Variants in C9 observed in about 807,000 individuals in gnomAD.
C9 encodes the protein complement component C9.
Under a neutral mutation model 65.4 loss-of-function variants are expected in C9, and 63 were observed. The observed-to-expected ratio is 0.96, with a 90% CI of 0.79 to 1.19. The LOEUF is 1.19. Among genes scored for constraint, C9 ranks in the 50% most tolerant of loss-of-function variants. The probability of loss-of-function intolerance (pLI) is 0.00; values close to 1 mark genes in which losing one functional copy is unlikely to be tolerated. For synonymous variants in C9, 229 were observed against 227.9 expected, an observed-to-expected ratio of 1.00 and a Z score of -0.04; for missense variants, 744 against 670.1, an observed-to-expected ratio of 1.11 and a Z score of -1.22.
At chr5:39,307,480 G>A (rs1442543686) in intron 8 of C9, among the ~76,000 whole-genome samples, 3 of 152,072 alleles carry the variant, frequency 2.0e-5, no homozygotes, top group Non-Finnish European at 4.4e-5. Context: ...ACCGTATAAT[G>A]GCAAATTCAG....
intron 4 of C9, among the ~76,000 whole-genome samples, chr5:39,337,905 T>C (rs1186344754): frequency 6.6e-6 from 1 of 152,248 alleles, no homozygotes; most frequent in African/African-American, 2.4e-5. Context: ...AATCTAACTG[T>C]ATGTGACTAT....
chr5:39,341,486 C>T (rs1754081634), intron 3 of C9, 70 bp downstream of exon 3: 1 of 1,444,016 alleles, frequency 6.9e-7, no homozygotes, highest in Non-Finnish European at 9.6e-7. Context: ...GAAGCATATG[C>T]TTTTTTTTTT....
chr5:39,290,916 A>T (rs1753082174), intron 9 of C9, among the ~76,000 whole-genome samples: 2 of 151,990 alleles, frequency 1.3e-5, no homozygotes, highest in Non-Finnish European at 2.9e-5. Context: ...AGTTTGGATT[A>T]AAATAATCTT....
chr5:39,347,965 T>A (rs1103809), intron 1 of C9, among the ~76,000 whole-genome samples: 134,121 of 140,846 alleles, frequency 0.95, 64,031 homozygotes, highest in Non-Finnish European at 0.98. Flanking sequence ...CTGGCTAGCC[T>A]TATGTAGAAA....
At chr5:39,301,822 T>C (rs1653941566) in intron 9 of C9, among the ~76,000 whole-genome samples, 1 of 152,112 alleles carries the variant, frequency 6.6e-6, no homozygotes, top group Admixed American at 6.6e-5. Flanking sequence ...AGCATAACTG[T>C]TCACCAGTGT....
At chr5:39,299,824 T>C (rs1753251302) in intron 9 of C9, among the ~76,000 whole-genome samples, 1 of 152,150 alleles carries the variant, frequency 6.6e-6, no homozygotes, top group East Asian at 1.9e-4. Context: ...AAGTAATGTC[T>C]ATTTTTAAAA....
chr5:39,309,798 G>T (rs974225194), intron 7 of C9, among the ~76,000 whole-genome samples: 1 of 152,168 alleles, frequency 6.6e-6, no homozygotes, highest in Non-Finnish European at 1.5e-5. Flanking sequence ...ATTAAGGCCA[G>T]AAGGTAAGTA....
intron 6 of C9, among the ~76,000 whole-genome samples, chr5:39,313,772 T>C (rs1753527323): frequency 6.6e-6 from 1 of 152,188 alleles, no homozygotes; most frequent in African/African-American, 2.4e-5. Context: ...AACAAGTCAA[T>C]GTATAGCTCA....
chr5:39,311,105 A>G, intron 7 of C9, 32 bp downstream of exon 7: 1 of 1,609,350 alleles, frequency 6.2e-7, no homozygotes, highest in Non-Finnish European at 8.5e-7. Flanking sequence ...TCAAAACAGT[A>G]TTTGAAGTCA....
chr5:39,364,411 G>T lies in C9; in HGVS notation c.54C>A (p.Ile18=). 1.2e-6 allele frequency: 2 copies of T among 1,603,720 alleles called. No individual in the cohort carries two copies. The highest frequency in any genetic ancestry group is 1.7e-6 in the Non-Finnish European group (2 of 1,170,674). Residue 18 remains isoleucine, a synonymous_variant, in exon 1 of 11, where the codon ATC becomes ATA. Transcript: ENST00000263408. ...AVAICILEIS[I]LTAQYTTSYD... ...ACCTGGTCGTGTACTGTGCTGTGAG[G>T]ATGCTTATTTCTAAAATGCAGATTG...
At position 39,308,286 on chromosome 5, in the gene C9, G is replaced by A. The variant is rs751603799; in HGVS notation, c.1184C>T (p.Ser395Phe). 1 of 1,611,190 alleles carries A rather than the reference G, an allele frequency of 6.2e-7. No individual in the cohort carries two copies. The highest frequency in any genetic ancestry group is 1.1e-5 in the South Asian group (1 of 91,026). The change falls in exon 8 of 11, where the codon TCT becomes TTT. Residue 395 changes from serine (S) to phenylalanine (F), a missense_variant. Physicochemically the swap from Ser to Phe is radical, Grantham distance 155. Coordinates refer to ENST00000263408, the MANE Select transcript of C9 (RefSeq NM_001737.5). Reference sequence around the variant, plus strand: ...ATCTTTATTAAATTCAGCTCCAACAGAGATTTCAGAGAAAGCCAGAGATAC... The same window carrying A: ...ATCTTTATTAAATTCAGCTCCAACAAAGATTTCAGAGAAAGCCAGAGATAC... The part of the protein sequence containing the change: ...LDVSLAFSEI[S>F]VGAEFNKDDC...
chr5:39,345,562 A>C (rs1391056618), intron 1 of C9, among the ~76,000 whole-genome samples: 1 of 152,202 alleles, frequency 6.6e-6, no homozygotes, highest in Admixed American at 6.5e-5. Context: ...AGACTCCCAC[A>C]CAATAATAAT....
chr5:39,353,955 G>A (rs1053611002), intron 1 of C9, among the ~76,000 whole-genome samples: 1 of 152,176 alleles, frequency 6.6e-6, no homozygotes. Context: ...TCTCTAGGGT[G>A]TGATCTCCTG....
At chr5:39,359,102 G>GTATGTATATATA (rs1554052516) in intron 1 of C9, among the ~76,000 whole-genome samples, 5 of 103,664 alleles carry the variant, frequency 4.8e-5, no homozygotes, top group African/African-American at 1.9e-4. Flanking sequence ...GTGTGTGTGT[G>GTATGTATATATA]TATATATATA....
intron 1 of C9, among the ~76,000 whole-genome samples, chr5:39,359,840 G>A (rs571800853): frequency 2.0e-5 from 3 of 152,284 alleles, no homozygotes; most frequent in East Asian, 1.9e-4. Context: ...GGGACCCTCC[G>A]TAATGTGTTC....
intron 5 of C9, among the ~76,000 whole-genome samples, chr5:39,325,029 C>T (rs1753725566): frequency 1.3e-5 from 2 of 152,060 alleles, no homozygotes; most frequent in African/African-American, 4.8e-5. Flanking sequence ...GAGATAGACA[C>T]GATCAAGAAA....
At chr5:39,353,914 A>C (rs1316016089) in intron 1 of C9, among the ~76,000 whole-genome samples, 1 of 152,116 alleles carries the variant, frequency 6.6e-6, no homozygotes, top group Non-Finnish European at 1.5e-5. Context: ...GTCCTTAGTC[A>C]TGGGGTTTTG....
At chr5:39,340,573 G>T (rs3776528) in intron 4 of C9, among the ~76,000 whole-genome samples, 14,114 of 152,196 alleles carry the variant, frequency 0.093, 822 homozygotes, top group African/African-American at 0.17. Context: ...TCTGTCCAGA[G>T]CCCCTAGGTT....
At chr5:39,355,012 G>A (rs1754390654) in intron 1 of C9, among the ~76,000 whole-genome samples, 1 of 152,158 alleles carries the variant, frequency 6.6e-6, no homozygotes, top group Non-Finnish European at 1.5e-5. Context: ...TGTTAGTGCT[G>A]TTGTTGCCTT....
Sources: gnomAD v4.1 joint callset for allele counts (sites outside exome capture counted in the v4.1 genomes callset) on GRCh38, gnomAD v4.1.1 for gene constraint, MANE v1.5 for transcripts, NCBI Gene and HGNC (gene_info 2026-07-23, HGNC 2026-07-21) for gene names.